Variants in NDRG4 observed in about 807,000 individuals in gnomAD.
NDRG4 encodes protein NDRG4.
Under a neutral mutation model 55.8 loss-of-function variants are expected in NDRG4, and 38 were observed. The ratio of observed to expected loss-of-function variants is 0.68; its 90% CI spans 0.53 to 0.89. The LOEUF is 0.89. NDRG4 is among the 40% of genes least tolerant of loss of function. The pLI, the probability that NDRG4 is intolerant of heterozygous loss-of-function variation, is 0.00. For synonymous variants in NDRG4, 190 were observed against 182.7 expected (o/e 1.04, Z -0.32); for missense variants, 455 against 468.6 (o/e 0.97, Z 0.27).
upstream of NDRG4, among the ~76,000 whole-genome samples, chr16:58,495,955 G>A (rs972599266): frequency 6.6e-6 from 1 of 152,176 alleles, no homozygotes. Context: ...CCAGGCTGGT[G>A]GGAAGGGACA....
chr16:58,471,034 G>A (rs2032708419), intron 1 of NDRG4, among the ~76,000 whole-genome samples: 1 of 152,066 alleles, frequency 6.6e-6, no homozygotes, highest in African/African-American at 2.4e-5. Context: ...TACCAGCCAA[G>A]GAATGCAGCT....
chr16:58,514,650 G>A (rs935296577), downstream of NDRG4, among the ~76,000 whole-genome samples: 3 of 151,476 alleles, frequency 2.0e-5, no homozygotes, highest in African/African-American at 7.3e-5. Flanking sequence ...GCTGAGGCAG[G>A]GGAATTGCTT....
intron 1 of NDRG4, among the ~76,000 whole-genome samples, chr16:58,472,523 G>A (rs1358877778): frequency 3.3e-5 from 5 of 152,140 alleles, no homozygotes; most frequent in East Asian, 1.9e-4. Context: ...AGGGAGAGGC[G>A]GGATGCTGGC....
chr16:58,506,622 G>A lies in NDRG4; in HGVS notation c.516+8G>A. On this transcript the variant is annotated splice_region_variant and intron_variant, in intron 7 of 14. Transcript: ENST00000570248. ...TCCCACCTCTTCAGCCAGGTAAGGG[G>A]GGGAACTTCTGCAGATCTGGGGTGA... 1 of 1,551,664 alleles carries A rather than the reference G, an allele frequency of 6.4e-7. No individual in the cohort carries two copies. Among genetic ancestry groups the A allele is most frequent in the Non-Finnish European group, 8.7e-7 (1 of 1,149,686 alleles).
intron 2 of NDRG4, among the ~76,000 whole-genome samples, chr16:58,493,869 G>A (rs1236876399): frequency 6.6e-6 from 1 of 152,192 alleles, no homozygotes; most frequent in African/African-American, 2.4e-5. Flanking sequence ...CTGGCCAGCT[G>A]TCTTGTTGTA....
At chr16:58,479,191 G>A (rs1462387694) in intron 1 of NDRG4, among the ~76,000 whole-genome samples, 2 of 152,128 alleles carry the variant, frequency 1.3e-5, no homozygotes, top group Non-Finnish European at 2.9e-5. Flanking sequence ...ACTGTGCCCA[G>A]CCATAAATGG....
At chr16:58,467,958 A>T (rs1023082398) in intron 1 of NDRG4, among the ~76,000 whole-genome samples, 1 of 152,084 alleles carries the variant, frequency 6.6e-6, no homozygotes, top group African/African-American at 2.4e-5. Context: ...AGGGTGTTCC[A>T]GTTCCTTCGT....
Position 58,511,880 on chromosome 16 carries a change from G to T in NDRG4, c.*304G>T, listed in dbSNP as rs183716414. On this transcript the variant is annotated 3_prime_UTR_variant, in exon 15 of 15. Coordinates refer to ENST00000570248, the MANE Select transcript of NDRG4 (RefSeq NM_001242835.2). Reference sequence around the variant, plus strand: ...GGAGGGAGATTCGCTACGGATCCAGGCCATTCCTGGGTGAGCCCTTGGGCA... The same window carrying T: ...GGAGGGAGATTCGCTACGGATCCAGTCCATTCCTGGGTGAGCCCTTGGGCA... 6.0e-4 allele frequency: 283 copies of T among 469,158 alleles called. No individual in the cohort carries two copies. Among genetic ancestry groups the T allele is most frequent in the African/African-American group, 5.0e-3 (256 of 51,300 alleles). The allele number at this position is 469,158 out of a possible 1,614,324, so 29.1% of individuals were successfully genotyped here.
At chr16:58,514,221 C>G (rs1388965115), downstream of NDRG4, among the ~76,000 whole-genome samples, 1 of 152,220 alleles carries the variant, frequency 6.6e-6, no homozygotes, top group East Asian at 1.9e-4. Flanking sequence ...ATAACCTAAA[C>G]TAAAATACCG....
upstream of NDRG4, among the ~76,000 whole-genome samples, chr16:58,495,934 C>T (rs1418301434): frequency 1.3e-5 from 2 of 152,050 alleles, no homozygotes; most frequent in Non-Finnish European, 2.9e-5. Flanking sequence ...GGGAAGTGGT[C>T]GGGAGCTGGC....
chr16:58,510,790 G>A lies in NDRG4; in HGVS notation c.904+107G>A, dbSNP rs370787103. ...CCAGGCCGCATCTTGCTGTGGTTTG[G>A]AACCTTCTTGTGTCCTGTTCAACTC... is the stretch of plus-strand genomic sequence containing the variant. On this transcript the variant is annotated intron_variant, in intron 14 of 14. Coordinates refer to ENST00000570248, the MANE Select transcript of NDRG4 (RefSeq NM_001242835.2). 2.9e-6 allele frequency: 3 copies of A among 1,046,516 alleles called. No individual in the cohort carries two copies. The African/African-American group carries it at 4.7e-5, about 16-fold the overall frequency. 64.8% of individuals were successfully genotyped at this position (1,046,516 alleles called of 1,614,324 possible).
At position 58,464,957 on chromosome 16, in the gene NDRG4, G is replaced by A. The variant is rs1420226268; in HGVS notation, c.-24+1160G>A. ...GTGGGAAGCCAGATTGGACCCTACTGACTGGGGACCCTCAGCCTTGGGGCT... is the reference window on the plus strand; with the variant it reads ...GTGGGAAGCCAGATTGGACCCTACTAACTGGGGACCCTCAGCCTTGGGGCT... On this transcript the variant is annotated intron_variant, in intron 1 of 15. Coordinates refer to the NDRG4 transcript ENST00000258187. This position sits in a 1 kb window ranked among gnomAD's most constrained non-coding sequence, Gnocchi z 4.8. The A allele has an allele frequency of 8.4e-7, 1 of 1,192,772 alleles. No individual in the cohort carries two copies. Among genetic ancestry groups the A allele is most frequent in the Non-Finnish European group, 1.1e-6 (1 of 942,606 alleles). 73.9% of individuals were successfully genotyped at this position (1,192,772 alleles called of 1,614,324 possible). A position where few individuals can be genotyped will look rare whatever the true frequency, so the allele number is the denominator to read the frequency against.
At chr16:58,475,016 G>A (rs913639568) in intron 1 of NDRG4, among the ~76,000 whole-genome samples, 2 of 152,130 alleles carry the variant, frequency 1.3e-5, no homozygotes, top group African/African-American at 2.4e-5. Flanking sequence ...GAGAAGTAAG[G>A]GGCTTTCCGT....
At chr16:58,467,665 A>G (rs1414511338) in intron 1 of NDRG4, among the ~76,000 whole-genome samples, 2 of 152,228 alleles carry the variant, frequency 1.3e-5, no homozygotes, top group Admixed American at 1.3e-4. Flanking sequence ...GAGTTGTCCC[A>G]TATGGCATTC....
intron 2 of NDRG4, chr16:58,494,871 C>A: frequency 3.9e-5 from 37 of 954,442 alleles, no homozygotes; most frequent in Non-Finnish European, 5.8e-5. Context: ...AAAAGACAGA[C>A]TAGGGGACAG....
upstream of NDRG4, among the ~76,000 whole-genome samples, chr16:58,496,566 T>C (rs1468274755): frequency 6.6e-6 from 1 of 151,764 alleles, no homozygotes; most frequent in African/African-American, 2.4e-5. Flanking sequence ...GGAGGTAGTA[T>C]AGCAGAGGGA....
At chr16:58,510,916 C>CT (rs1812851109) in intron 14 of NDRG4, 1 of 591,482 alleles carries the variant, frequency 1.7e-6, no homozygotes, top group Non-Finnish European at 3.0e-6. Flanking sequence ...GCGTGGCTTC[C>CT]AGAGCTCTGG....
rs148139219 is a variant in NDRG4, at chr16:58,510,106, G to A, written c.866-539G>A. Among the ~76,000 whole-genome samples, 7 of 152,304 alleles carry A rather than the reference G, an allele frequency of 4.6e-5. No individual in the cohort carries two copies. In the East Asian group the frequency reaches 1.4e-3, roughly 29 times the overall value. ...ACTTCAGCCTCTGGAGCTATCTCCA[G>A]GGCAAACAGGAGGGCTGCCTGTGGG... On this transcript the variant is annotated intron_variant, in intron 13 of 14. Coordinates refer to ENST00000570248, the MANE Select transcript of NDRG4 (RefSeq NM_001242835.2).
At chr16:58,487,222 T>G (rs930209676) in intron 1 of NDRG4, among the ~76,000 whole-genome samples, 4 of 152,196 alleles carry the variant, frequency 2.6e-5, no homozygotes, top group Admixed American at 6.5e-5. Flanking sequence ...CGTTTTAATT[T>G]TTAAGAGCAA....
Sources: gnomAD v4.1 joint callset for allele counts (sites outside exome capture counted in the v4.1 genomes callset) on GRCh38, gnomAD v4.1.1 for gene constraint, Gnocchi (gnomAD v3.1) non-coding constraint, MANE v1.5 for transcripts, NCBI Gene and HGNC (gene_info 2026-07-23, HGNC 2026-07-21) for gene names.